Variants in HERC2 observed in about 807,000 individuals in gnomAD.
HERC2 encodes E3 ubiquitin-protein ligase HERC2.
Under a neutral mutation model 537.7 loss-of-function variants are expected in HERC2, and 102 were observed. The observed-to-expected ratio is 0.19, with a 90% CI of 0.16 to 0.22. The LOEUF is 0.22. HERC2 is among the 10% of genes least tolerant of loss of function. The pLI, the probability that HERC2 is intolerant of heterozygous loss-of-function variation, is 1.00. For synonymous variants in HERC2, 2,224 were observed against 2,466.2 expected, an observed-to-expected ratio of 0.90 and a Z score of 2.91; for missense variants, 4,236 against 6,198.2, an observed-to-expected ratio of 0.68 and a Z score of 10.63.
chr15:28,279,223 A>G (rs1323655665), intron 5 of HERC2, among the ~76,000 whole-genome samples: 1 of 151,910 alleles, frequency 6.6e-6, no homozygotes, highest in Non-Finnish European at 1.5e-5. Flanking sequence ...TCCCGACCTG[A>G]GGTGATCCGC....
rs746171864 is a variant in HERC2, at chr15:28,228,402, C to T, written c.5280G>A (p.Gln1760=). 1 of 1,612,006 alleles carries T rather than the reference C, an allele frequency of 6.2e-7. No individual in the cohort carries two copies. Among genetic ancestry groups the T allele is most frequent in the Non-Finnish European group, 8.5e-7 (1 of 1,179,836 alleles). ...TGGTGATGGTTTGCAGGGGAACCGG[C>T]TGGATACCTAATGAGCATTGGCACC... ...ASAKFKELGI[Q]PVPLQTITNE... is the part of the protein sequence containing the mutation. Residue 1760 remains glutamine, a synonymous_variant, in exon 35 of 93, where the codon CAG becomes CAA. Coordinates refer to ENST00000261609, the MANE Select transcript of HERC2 (RefSeq NM_004667.6).
intron 68 of HERC2, 73 bp downstream of exon 68, chr15:28,167,614 A>C: frequency 1.3e-6 from 2 of 1,565,574 alleles, no homozygotes; most frequent in African/African-American, 1.4e-5. Flanking sequence ...TTCCACTCCT[A>C]AGTTCTATTT....
intron 70 of HERC2, among the ~76,000 whole-genome samples, chr15:28,148,118 C>T (rs1041665729): frequency 1.3e-5 from 2 of 151,070 alleles, no homozygotes; most frequent in Admixed American, 1.3e-4. Flanking sequence ...AAAGATACAC[C>T]CACAAAACAC....
intron 20 of HERC2, among the ~76,000 whole-genome samples, chr15:28,253,054 C>G (rs1474093995): frequency 6.6e-6 from 1 of 152,226 alleles, no homozygotes; most frequent in East Asian, 1.9e-4. Context: ...AAACTAAAAC[C>G]AGGAGCCCAA....
At chr15:28,179,436 C>T (rs1019880076) in intron 57 of HERC2, among the ~76,000 whole-genome samples, 3 of 152,264 alleles carry the variant, frequency 2.0e-5, no homozygotes, top group South Asian at 2.1e-4. Flanking sequence ...GCCGTGACAA[C>T]GTCACAGCAC....
intron 78 of HERC2, among the ~76,000 whole-genome samples, chr15:28,139,315 G>A (rs1890954821): frequency 6.6e-6 from 1 of 152,176 alleles, no homozygotes; most frequent in South Asian, 2.1e-4. Context: ...CTCTCTTGCT[G>A]GTGCTCCCTC....
chr15:28,128,125 T>G (rs1566921963), intron 83 of HERC2, among the ~76,000 whole-genome samples: 3 of 152,096 alleles, frequency 2.0e-5, no homozygotes, highest in Admixed American at 1.3e-4. Context: ...CAGAAGAATG[T>G]GCTACAAAAT....
At chr15:28,279,034 T>A (rs1596377574) in intron 5 of HERC2, among the ~76,000 whole-genome samples, 2 of 152,190 alleles carry the variant, frequency 1.3e-5, no homozygotes, top group South Asian at 2.1e-4. Flanking sequence ...AGAATTTCAT[T>A]CTTGTTGCCC....
chr15:28,248,516 C>A, intron 21 of HERC2, 36 bp downstream of exon 21: 2 of 1,535,054 alleles, frequency 1.3e-6, no homozygotes, highest in South Asian at 2.3e-5. Context: ...GAGCCCCGAT[C>A]ACATACAAGA....
intron 2 of HERC2, among the ~76,000 whole-genome samples, chr15:28,301,708 G>A (rs2076629461): frequency 9.5e-6 from 1 of 105,152 alleles, no homozygotes; most frequent in East Asian, 2.9e-4. Flanking sequence ...TTAAACTTCT[G>A]TGGATACACA....
rs1305085139 is a variant in HERC2 at position 28,175,625 on chromosome 15, C to G, written c.9718G>C (p.Gly3240Arg). 2 of 1,614,146 alleles carry G rather than the reference C, an allele frequency of 1.2e-6. No individual in the cohort carries two copies. Among genetic ancestry groups the G allele is most frequent in the Non-Finnish European group, 8.5e-7 (1 of 1,180,016 alleles). Residue 3240 changes from glycine (G) to arginine (R), a missense_variant, in exon 64 of 93, where the codon GGC becomes CGC. By Grantham distance (125) the Gly-to-Arg change is moderately radical. Coordinates refer to ENST00000261609, the MANE Select transcript of HERC2 (RefSeq NM_004667.6). ...GGTTTCCGCACGTGCACGTCAGAGC[C>G]GTGGCCCAATCTGAAGTAATCCCCC... ...GKGDYFRLGH[G>R]SDVHVRKPQV...
rs139087469 is a variant in HERC2, at chr15:28,248,644, G to C, written c.3143C>G (p.Ser1048Cys). The stretch of plus-strand genomic sequence containing the variant: ...ACGCAGTAACAAATCCAATGAAGCA[G>C]ATCTTTCACGACTGTGTTGCTCAAA... ...LDFEQHSRER[S>C]ASLDLLLRFQ... The change falls in exon 21 of 93, where the codon TCT becomes TGT. Residue 1048 changes from serine to cysteine, a missense_variant. This residue lies in a region of HERC2 where 754 missense variants were observed against 1,085.0 expected (regional missense o/e 0.69). Coordinates refer to ENST00000261609, the MANE Select transcript of HERC2 (RefSeq NM_004667.6). The C allele has an allele frequency of 1.9e-6, 3 of 1,613,812 alleles. No homozygotes were observed. Among genetic ancestry groups the C allele is most frequent in the South Asian group, 1.1e-5 (1 of 91,078 alleles).
intron 23 of HERC2, among the ~76,000 whole-genome samples, chr15:28,239,843 C>T (rs1902866903): frequency 6.6e-6 from 1 of 152,134 alleles, no homozygotes; most frequent in Non-Finnish European, 1.5e-5. Context: ...GGTATGATCA[C>T]AGGGAGAGGA....
At chr15:28,154,668 C>T (rs1369979397) in intron 69 of HERC2, among the ~76,000 whole-genome samples, 1 of 152,214 alleles carries the variant, frequency 6.6e-6, no homozygotes, top group African/African-American at 2.4e-5. Context: ...GCAGTAACCT[C>T]TCAGCCTCAG....
At chr15:28,273,965 C>T (rs1376942393) in intron 7 of HERC2, among the ~76,000 whole-genome samples, 1 of 152,202 alleles carries the variant, frequency 6.6e-6, no homozygotes, top group Non-Finnish European at 1.5e-5. Flanking sequence ...CCACTCCGCA[C>T]TCAGAACAGC....
At chr15:28,161,985 A>C (rs1006970127) in intron 69 of HERC2, among the ~76,000 whole-genome samples, 2 of 152,238 alleles carry the variant, frequency 1.3e-5, no homozygotes, top group Admixed American at 1.3e-4. Flanking sequence ...TCTTACATCA[A>C]AATAAATCCC....
intron 4 of HERC2, among the ~76,000 whole-genome samples, chr15:28,292,056 C>T (rs1182312069): frequency 2.7e-5 from 4 of 150,822 alleles, no homozygotes; most frequent in South Asian, 2.1e-4. Flanking sequence ...AGTGAAACTT[C>T]GTCTCTACTA....
chr15:28,148,979 A>G (rs1456749047), intron 70 of HERC2, among the ~76,000 whole-genome samples: 1 of 149,668 alleles, frequency 6.7e-6, no homozygotes, highest in African/African-American at 2.5e-5. Flanking sequence ...TAAAATTACC[A>G]AAAAAACACA....
At chr15:28,209,988 G>A (rs556637029) in intron 44 of HERC2, among the ~76,000 whole-genome samples, 10 of 108,490 alleles carry the variant, frequency 9.2e-5, no homozygotes, top group East Asian at 3.0e-4. Context: ...TCACTCTGTC[G>A]CCCAGGCTGG....
Sources: allele counts gnomAD v4.1 joint callset (sites outside exome capture counted in the v4.1 genomes callset), GRCh38; gene constraint gnomAD v4.1.1; regional missense constraint gnomAD v4.1.1; transcripts MANE v1.5; gene names NCBI Gene and HGNC (gene_info 2026-07-23, HGNC 2026-07-21).